The following BMERB1 variants were observed in gnomAD, a reference collection of about 807,000 sequenced individuals.
BMERB1 encodes bMERB domain-containing protein 1.
In BMERB1, 12 loss-of-function variants were observed where a neutral mutation model predicts 23.6. The ratio of observed to expected loss-of-function variants is 0.51; its 90% CI spans 0.33 to 0.82. BMERB1 has a LOEUF of 0.82. Among genes scored for constraint, BMERB1 ranks in the 40% least tolerant of loss-of-function variants. The pLI is 0.03. For synonymous variants in BMERB1, 122 were observed against 96.6 expected (o/e 1.26, Z -1.54); for missense variants, 247 against 255.4 (o/e 0.97, Z 0.22).
chr16:15,578,079 T>C lies in BMERB1; in HGVS notation c.305-3138T>C, dbSNP rs1424287452. ...CATTCCTTGGGGGGGAAATCCCCTC[T>C]CCTTTCTTGCTCATGGCTGCCTGGC... On this transcript the variant is annotated intron_variant, in intron 3 of 5. Coordinates refer to ENST00000300006, the MANE Select transcript of BMERB1 (RefSeq NM_033201.3). Among the ~76,000 whole-genome samples the C allele has an allele frequency of 2.6e-5, 4 of 152,230 alleles. 1 individual carries two copies. The highest frequency in any genetic ancestry group is 1.3e-4 in the Admixed American group (2 of 15,280).
At chr16:15,444,123 G>T (rs202135618) in intron 1 of BMERB1, among the ~76,000 whole-genome samples, 825 of 35,402 alleles carry the variant, frequency 0.023, 6 homozygotes, top group African/African-American at 0.049. Context: ...CACCAGCTTT[G>T]TTTTTTTTTT....
At chr16:15,506,630 T>C (rs973177533) in intron 1 of BMERB1, among the ~76,000 whole-genome samples, 2 of 152,076 alleles carry the variant, frequency 1.3e-5, no homozygotes, top group African/African-American at 2.4e-5. Flanking sequence ...ACCATCACGA[T>C]TGCCTAACCA....
At chr16:15,469,637 TTTA>T (rs1195194871) in intron 1 of BMERB1, among the ~76,000 whole-genome samples, 1 of 152,184 alleles carries the variant, frequency 6.6e-6, no homozygotes, top group Non-Finnish European at 1.5e-5. Flanking sequence ...TGTCTCCCGA[TTTA>T]TTGAGATATT....
At chr16:15,516,249 C>A (rs1008556626) in intron 2 of BMERB1, among the ~76,000 whole-genome samples, 1 of 151,678 alleles carries the variant, frequency 6.6e-6, no homozygotes, top group Non-Finnish European at 1.5e-5. Flanking sequence ...TGTAGCCAGA[C>A]CCTGTCTCTA....
chr16:15,533,215 G>C, intron 2 of BMERB1: 1 of 251,802 alleles, frequency 4.0e-6, no homozygotes, highest in Non-Finnish European at 8.0e-6. Flanking sequence ...AGGCATAAGT[G>C]TAGACACTGG....
chr16:15,551,608 A>G (rs1023512797), intron 2 of BMERB1, among the ~76,000 whole-genome samples: 3 of 152,186 alleles, frequency 2.0e-5, no homozygotes, highest in Non-Finnish European at 4.4e-5. Context: ...CAGGAGTTCA[A>G]GAGAACTCCT....
rs1208812195 is a variant in BMERB1, at chr16:15,587,637, C to T, written c.*808C>T. On this transcript the variant is annotated 3_prime_UTR_variant, in exon 6 of 6. Coordinates refer to ENST00000300006, the MANE Select transcript of BMERB1 (RefSeq NM_033201.3). The stretch of plus-strand genomic sequence containing the variant: ...CAGAGTAGATGCTGACCTGGGCACT[C>T]CACCATTCCGGGGCCACCACAGAGA... 2.7e-6 allele frequency: 1 copy of T among 370,480 alleles called. No homozygotes were observed. Among genetic ancestry groups the T allele is most frequent in the East Asian group, 9.2e-5 (1 of 10,898 alleles). 22.9% of individuals were successfully genotyped at this position (370,480 alleles called of 1,614,324 possible). A position where few individuals can be genotyped will look rare whatever the true frequency, so the allele number is the denominator to read the frequency against.
At chr16:15,549,540 G>A (rs555869971) in intron 2 of BMERB1, among the ~76,000 whole-genome samples, 1 of 151,696 alleles carries the variant, frequency 6.6e-6, no homozygotes, top group South Asian at 2.1e-4. Context: ...TTAGCTGGGC[G>A]TGGTGGCGGG....
chr16:15,444,815 T>G (rs975707362), intron 1 of BMERB1, among the ~76,000 whole-genome samples: 1 of 152,166 alleles, frequency 6.6e-6, no homozygotes, highest in Non-Finnish European at 1.5e-5. Flanking sequence ...TTATTTCACC[T>G]TTTTTTCCCC....
intron 1 of BMERB1, among the ~76,000 whole-genome samples, chr16:15,462,789 A>C (rs529450739): frequency 2.6e-5 from 4 of 152,194 alleles, no homozygotes; most frequent in Non-Finnish European, 5.9e-5. Context: ...TTAAGGAGGC[A>C]TGCTGTACAA....
At chr16:15,507,237 C>T (rs1343740086) in intron 1 of BMERB1, among the ~76,000 whole-genome samples, 1 of 152,192 alleles carries the variant, frequency 6.6e-6, no homozygotes, top group Non-Finnish European at 1.5e-5. Context: ...GATCACCAGC[C>T]CTCATCCTCT....
chr16:15,532,034 A>G (rs921877063), intron 2 of BMERB1, among the ~76,000 whole-genome samples: 2 of 152,164 alleles, frequency 1.3e-5, no homozygotes, highest in African/African-American at 2.4e-5. Context: ...CCTGACTTAC[A>G]TATTTCATGT....
chr16:15,491,823 C>A (rs1299721552), intron 1 of BMERB1, among the ~76,000 whole-genome samples: 1 of 152,184 alleles, frequency 6.6e-6, no homozygotes, highest in African/African-American at 2.4e-5. Flanking sequence ...TGTGACCCCG[C>A]TATCTGGAGG....
At chr16:15,532,902 A>G (rs1161618794) in intron 2 of BMERB1, 6 of 428,762 alleles carry the variant, frequency 1.4e-5, no homozygotes, top group South Asian at 8.3e-5. Flanking sequence ...GCTTTCTGAT[A>G]AATAGACCTC....
intron 1 of BMERB1, among the ~76,000 whole-genome samples, chr16:15,512,401 AAGGGCCAGGGCCC>A (rs1330878054): frequency 1.3e-5 from 2 of 152,150 alleles, no homozygotes; most frequent in African/African-American, 4.8e-5. Context: ...GCACGTGTGC[AAGGGCCAGGGCCC>A]CAGGACATAG....
intron 2 of BMERB1, among the ~76,000 whole-genome samples, chr16:15,519,287 T>C (rs945152357): frequency 3.3e-5 from 5 of 152,190 alleles, no homozygotes; most frequent in African/African-American, 1.2e-4. Context: ...TGCTGCGAAG[T>C]AATCACCTTA....
intron 1 of BMERB1, among the ~76,000 whole-genome samples, chr16:15,438,916 C>A (rs1472625628): frequency 2.0e-5 from 3 of 152,292 alleles, no homozygotes; most frequent in Non-Finnish European, 4.4e-5. Context: ...GTTTCTATGG[C>A]ATGACAATTG....
chr16:15,475,412 G>A (rs1243787461), intron 1 of BMERB1, among the ~76,000 whole-genome samples: 1 of 152,110 alleles, frequency 6.6e-6, no homozygotes. Context: ...TTTGCTAGAG[G>A]GACTCACAGA....
At chr16:15,502,143 G>A (rs995367075) in intron 1 of BMERB1, 4 of 712,376 alleles carry the variant, frequency 5.6e-6, no homozygotes, top group South Asian at 1.8e-5. Flanking sequence ...CAATGCCTGC[G>A]TCTTCACGTG....
Sources: allele counts gnomAD v4.1 joint callset (sites outside exome capture counted in the v4.1 genomes callset), GRCh38; gene constraint gnomAD v4.1.1; transcripts MANE v1.5; gene names NCBI Gene and HGNC (gene_info 2026-07-23, HGNC 2026-07-21).